Variants in TAF4 observed in about 807,000 individuals in gnomAD.
TAF4 encodes the protein TATA-box binding protein associated factor 4, also known as transcription initiation factor TFIID subunit 4.
TAF4 carries 9 observed loss-of-function variants against 90.3 expected under a neutral mutation model. The observed-to-expected ratio is 0.10, with a 90% CI of 0.06 to 0.17. The LOEUF is 0.17. Ranked by LOEUF, TAF4 falls within the 10% of genes least tolerant of loss-of-function variation. TAF4 has a pLI of 1.00. For missense variants in TAF4, 1,351 were observed against 1,370.7 expected (o/e 0.99, Z 0.23); for synonymous variants, 818 against 638.9 (o/e 1.28, Z -4.23).
intron 5 of TAF4, chr20:62,008,267 AC>A (rs1423927264): frequency 6.6e-6 from 1 of 152,306 alleles, no homozygotes; most frequent in African/African-American, 2.4e-5. Context: ...CCTGGACTGA[AC>A]CCTAAGAGAC....
At chr20:62,053,522 A>G (rs1299155975) in intron 1 of TAF4, among the ~76,000 whole-genome samples, 1 of 152,238 alleles carries the variant, frequency 6.6e-6, no homozygotes, top group Non-Finnish European at 1.5e-5. Context: ...GAAGGGAGCC[A>G]CGAGCGACGT....
intron 1 of TAF4, among the ~76,000 whole-genome samples, chr20:62,022,427 A>G (rs1378098194): frequency 1.3e-5 from 2 of 152,188 alleles, no homozygotes; most frequent in Non-Finnish European, 2.9e-5. Flanking sequence ...AGAGATGAGC[A>G]AAAGTGGTGT....
intron 14 of TAF4, among the ~76,000 whole-genome samples, chr20:61,992,473 C>A (rs115483679): frequency 3.3e-5 from 5 of 152,170 alleles, no homozygotes; most frequent in South Asian, 2.1e-4. Flanking sequence ...TCCCCACCCC[C>A]CAAGCCCTTG....
chr20:62,062,612 C>A (rs1030830992), intron 1 of TAF4, among the ~76,000 whole-genome samples: 1 of 152,208 alleles, frequency 6.6e-6, no homozygotes. Context: ...GAATCACGCA[C>A]AGTCAACACT....
At chr20:62,028,473 G>A (rs1160263570) in intron 1 of TAF4, among the ~76,000 whole-genome samples, 5 of 152,224 alleles carry the variant, frequency 3.3e-5, no homozygotes, top group Middle Eastern at 3.4e-3. Context: ...GTACACAGAG[G>A]GCTGACGTTT....
chr20:61,980,499 G>C (rs997730609), intron 14 of TAF4: 1 of 152,316 alleles, frequency 6.6e-6, no homozygotes, highest in African/African-American at 2.4e-5. Context: ...CCTCCGCCCC[G>C]AACGCGTACG....
At chr20:62,000,033 C>T in intron 11 of TAF4, 91 bp downstream of exon 11, 1 of 1,564,112 alleles carries the variant, frequency 6.4e-7, no homozygotes, top group Non-Finnish European at 8.8e-7. Flanking sequence ...GACCCACCGC[C>T]CTCTGCCTCG....
At chr20:62,038,747 T>C (rs1351360342) in intron 1 of TAF4, among the ~76,000 whole-genome samples, 1 of 151,938 alleles carries the variant, frequency 6.6e-6, no homozygotes, top group African/African-American at 2.4e-5. Context: ...CTCAATACAA[T>C]CCCAAGCAAG....
intron 1 of TAF4, among the ~76,000 whole-genome samples, chr20:62,043,080 T>C (rs1362327796): frequency 6.6e-6 from 1 of 152,190 alleles, no homozygotes; most frequent in Non-Finnish European, 1.5e-5. Context: ...CCAGCATTTC[T>C]GGAGGCTAAG....
intron 1 of TAF4, among the ~76,000 whole-genome samples, chr20:62,017,315 TTTAA>T (rs1244997136): frequency 3.9e-5 from 6 of 152,218 alleles, no homozygotes; most frequent in South Asian, 2.1e-4. Context: ...GTGAAGAGAC[TTTAA>T]TTATCAGGAG....
rs28382050 is a variant in TAF4 at position 62,013,303 on chromosome 20, T to G, written c.1522-369A>C. 4.8e-3 allele frequency among the ~76,000 whole-genome samples: 724 copies of G among 151,860 alleles called. 8 individuals are homozygous for G. The highest frequency in any genetic ancestry group is 0.017 in the African/African-American group (694 of 41,360). The stretch of plus-strand genomic sequence containing the variant: ...TCAGTGTCGCAAAGGGGTAGGGAGG[T>G]GGCCGCCCCTAGGCTAGATGGCCAG... On this transcript the variant is annotated intron_variant, in intron 2 of 14. Transcript: ENST00000252996.
At chr20:62,003,954 C>G in intron 7 of TAF4, 76 bp from the exon 8 acceptor site, 4 of 1,467,878 alleles carry the variant, frequency 2.7e-6, no homozygotes, top group Non-Finnish European at 3.6e-6. Context: ...GCAGGAGGTT[C>G]TTCCCTTCCC....
At chr20:62,020,208 A>T (rs2055834929) in intron 1 of TAF4, among the ~76,000 whole-genome samples, 2 of 152,306 alleles carry the variant, frequency 1.3e-5, no homozygotes, top group Non-Finnish European at 2.9e-5. Flanking sequence ...GCCCCTGTGG[A>T]TTCTCAGAGG....
chr20:62,028,489 G>T (rs1456552244), intron 1 of TAF4, among the ~76,000 whole-genome samples: 1 of 152,110 alleles, frequency 6.6e-6, no homozygotes, highest in South Asian at 2.1e-4. Flanking sequence ...CGTTTTGCTC[G>T]CTTGGGTTCC....
At chr20:62,021,182 C>T (rs561696305) in intron 1 of TAF4, among the ~76,000 whole-genome samples, 147 of 151,570 alleles carry the variant, frequency 9.7e-4, no homozygotes, top group African/African-American at 2.8e-3. Flanking sequence ...GGCTCAGAGG[C>T]AAAAAAAGGC....
chr20:62,007,353 G>C (rs2055752644), intron 6 of TAF4, among the ~76,000 whole-genome samples, 194 bp downstream of exon 6: 1 of 152,150 alleles, frequency 6.6e-6, no homozygotes, highest in Admixed American at 6.5e-5. Flanking sequence ...ACCGTGTCAG[G>C]GGAGCTCCTG....
chr20:62,012,188 G>C (rs1020537570), intron 3 of TAF4: 1 of 152,384 alleles, frequency 6.6e-6, no homozygotes, highest in Non-Finnish European at 1.5e-5. Context: ...AACCCTTCTA[G>C]AACGATGCTC....
chr20:62,056,086 A>C lies in TAF4; in HGVS notation c.1360+8365T>G, dbSNP rs993829520. ...ACCCCGTCACTACTAAAAATACAACAATTAGCTGGGTGTGGTGGTACATGC... is the reference window on the plus strand; with the variant it reads ...ACCCCGTCACTACTAAAAATACAACCATTAGCTGGGTGTGGTGGTACATGC... On this transcript the variant is annotated intron_variant, in intron 1 of 14. Coordinates refer to ENST00000252996, the MANE Select transcript of TAF4 (RefSeq NM_003185.4). 2.0e-5 allele frequency among the ~76,000 whole-genome samples: 3 copies of C among 151,990 alleles called. No homozygotes were observed. The South Asian group carries it at 6.2e-4, about 31-fold the overall frequency.
Position 62,065,848 on chromosome 20 carries a change from C to G in TAF4, c.-38G>C, listed in dbSNP as rs1056258822. ...GCCGCCGCCGCCGCCGCCGCTCGGG[C>G]CGAGCGCGCCTGGGCGAGGAGGAGG... On this transcript the variant is annotated 5_prime_UTR_variant, in exon 1 of 15. Coordinates refer to ENST00000252996, the MANE Select transcript of TAF4 (RefSeq NM_003185.4). The G allele has an allele frequency of 8.1e-7, 1 of 1,230,068 alleles. No homozygotes were observed. Among genetic ancestry groups the G allele is most frequent in the Non-Finnish European group, 1.0e-6 (1 of 962,264 alleles). 76.2% of individuals were successfully genotyped at this position (1,230,068 alleles called of 1,614,324 possible). A position where few individuals can be genotyped will look rare whatever the true frequency, so the allele number is the denominator to read the frequency against.
Sources: gnomAD v4.1 joint callset for allele counts (sites outside exome capture counted in the v4.1 genomes callset) on GRCh38, gnomAD v4.1.1 for gene constraint, MANE v1.5 for transcripts, NCBI Gene and HGNC (gene_info 2026-07-23, HGNC 2026-07-21) for gene names.